Variants in ADD2 observed in about 807,000 individuals in gnomAD.
ADD2 encodes the protein beta-adducin.
ADD2 carries 23 observed loss-of-function variants against 83.0 expected under a neutral mutation model. The ratio of observed to expected loss-of-function variants is 0.28; its 90% CI spans 0.20 to 0.39. The LOEUF (loss-of-function observed/expected upper bound fraction) is 0.39. Ranked by LOEUF, ADD2 falls within the 10% of genes least tolerant of loss-of-function variation. ADD2 has a pLI of 1.00. For synonymous variants in ADD2, 375 were observed against 375.4 expected, an observed-to-expected ratio of 1.00 and a Z score of 0.01; for missense variants, 758 against 944.9, an observed-to-expected ratio of 0.80 and a Z score of 2.59.
chr2:70,736,409 T>TAAA (rs1362743739), intron 1 of ADD2, among the ~76,000 whole-genome samples: 1 of 152,210 alleles, frequency 6.6e-6, no homozygotes, highest in Admixed American at 6.5e-5. Flanking sequence ...TGACAACATT[T>TAAA]AAACTGGTTC....
chr2:70,711,092 T>C (rs553997178), intron 2 of ADD2: 1 of 152,074 alleles, frequency 6.6e-6, no homozygotes, highest in East Asian at 1.9e-4. Flanking sequence ...AACCAGATAA[T>C]GGGAACAGGT....
intron 15 of ADD2, among the ~76,000 whole-genome samples, chr2:70,664,087 G>A (rs554890496): frequency 3.9e-5 from 6 of 152,324 alleles, no homozygotes; most frequent in East Asian, 1.9e-4. Context: ...AGGAGAAGGC[G>A]TGAGGTGTAC....
intron 1 of ADD2, among the ~76,000 whole-genome samples, chr2:70,715,128 T>A (rs1553376128): frequency 6.7e-6 from 1 of 148,188 alleles, no homozygotes. Context: ...GCAATGAAAC[T>A]GTCAAATCTC....
At chr2:70,720,940 C>T (rs1318479755) in intron 1 of ADD2, among the ~76,000 whole-genome samples, 2 of 152,208 alleles carry the variant, frequency 1.3e-5, no homozygotes, top group Non-Finnish European at 2.9e-5. Flanking sequence ...TCAGTGGAAA[C>T]TCCCAGGCTC....
chr2:70,759,429 T>C (rs1410013434), intron 1 of ADD2, among the ~76,000 whole-genome samples: 1 of 152,192 alleles, frequency 6.6e-6, no homozygotes, highest in Non-Finnish European at 1.5e-5. Flanking sequence ...CCTCAGCACA[T>C]GTCTGAGGAA....
intron 1 of ADD2, among the ~76,000 whole-genome samples, chr2:70,761,591 GAA>G (rs78804683): frequency 2.3e-4 from 9 of 39,864 alleles, no homozygotes; most frequent in African/African-American, 4.3e-4. Flanking sequence ...CTGGGTGACA[GAA>G]AAAAAAAAAA....
At chr2:70,664,719 AAGTGTGTGTG>A (rs1171495114) in intron 15 of ADD2, among the ~76,000 whole-genome samples, 3 of 151,212 alleles carry the variant, frequency 2.0e-5, no homozygotes, top group African/African-American at 7.3e-5. Context: ...GAGTGTGTAC[AAGTGTGTGTG>A]AGTGTGCAAG....
chr2:70,768,028 G>T lies in ADD2; in HGVS notation c.-296C>A. ...GTTTTCTGCCCATGCTGCAGCCCGC[G>T]CTCGTCAGAGCTGCTGGGAGATCCC... On this transcript the variant is annotated 5_prime_UTR_variant, in exon 1 of 16. Transcript: ENST00000264436. 1 of 1,479,178 alleles carries T rather than the reference G, an allele frequency of 6.8e-7. No homozygotes were observed. The highest frequency in any genetic ancestry group is 9.0e-7 in the Non-Finnish European group (1 of 1,106,480). The allele number at this position is 1,479,178 out of a possible 1,614,324, so 91.6% of individuals were successfully genotyped here.
At chr2:70,675,553 C>T in intron 13 of ADD2, 1 of 985,462 alleles carries the variant, frequency 1.0e-6, no homozygotes. Flanking sequence ...AAGATAGGAA[C>T]TAAAATTCAG....
In ADD2 at chr2:70,683,738, C is replaced by G; in HGVS notation, c.978G>C (p.Val326=). 6.2e-7 allele frequency: 1 copy of G among 1,614,026 alleles called. No homozygotes were observed. Among genetic ancestry groups the G allele is most frequent in the Non-Finnish European group, 8.5e-7 (1 of 1,179,942 alleles). The change falls in exon 10 of 16, where the codon GTG becomes GTC. Residue 326 remains valine, a synonymous_variant. Transcript: ENST00000264436. ...QVSALSSAGG[V]ENLILLEQEK... ...CCTGCTCCAGGAGGATGAGGTTCTC[C>G]ACTCCCCCGGCACTGGACAGAGCCG...
intron 2 of ADD2, among the ~76,000 whole-genome samples, chr2:70,708,851 G>A (rs560017170): frequency 3.9e-5 from 6 of 152,336 alleles, no homozygotes; most frequent in African/African-American, 1.4e-4. Flanking sequence ...ACCAATCACA[G>A]GTAGCCAACT....
chr2:70,711,132 C>T (rs116272528), intron 2 of ADD2: 2 of 152,268 alleles, frequency 1.3e-5, no homozygotes, highest in Non-Finnish European at 2.9e-5. Flanking sequence ...AAGAAGCTCA[C>T]CAGGATGCTG....
At position 70,657,761 on chromosome 2, in the gene ADD2, ACT is replaced by A. The variant is rs1675411448; in HGVS notation, c.*5662_*5663del. 3.3e-5 allele frequency: 5 copies of A among 152,136 alleles called. No homozygotes were observed. Among genetic ancestry groups the A allele is most frequent in the Middle Eastern group, 6.8e-3 (2 of 294 alleles). The allele number at this position is 152,136 out of a possible 1,614,324, so 9.4% of individuals were successfully genotyped here. On this transcript the variant is annotated 3_prime_UTR_variant, in exon 16 of 16. Coordinates refer to ENST00000264436, the MANE Select transcript of ADD2 (RefSeq NM_001617.4). ...CAGTTATTCTCCCACCACCCCCCAA[ACT>A]CTTACGTTTTCTTTAAACTACCTAG...
chr2:70,692,356 G>A (rs782289324), intron 7 of ADD2, 47 bp downstream of exon 7: 13 of 1,478,140 alleles, frequency 8.8e-6, no homozygotes, highest in South Asian at 2.9e-5. Flanking sequence ...CTACAACCTC[G>A]GCAGCCTTAC....
chr2:70,765,317 C>T (rs538352509), intron 1 of ADD2, among the ~76,000 whole-genome samples: 3 of 152,318 alleles, frequency 2.0e-5, no homozygotes, highest in Admixed American at 1.3e-4. Context: ...CATGCCACTG[C>T]GCTCCAGCCT....
At chr2:70,666,203 A>C (rs1178488443) in intron 15 of ADD2, among the ~76,000 whole-genome samples, 4 of 152,248 alleles carry the variant, frequency 2.6e-5, no homozygotes, top group African/African-American at 9.6e-5. Flanking sequence ...TCACTAGCTC[A>C]CAGAAGGCAC....
chr2:70,695,647 A>T (rs1024916317), intron 6 of ADD2, 74 bp downstream of exon 6: 8 of 1,410,212 alleles, frequency 5.7e-6, no homozygotes, highest in Non-Finnish European at 8.0e-6. Context: ...TTTGGAGATG[A>T]CCTAGCACTG....
chr2:70,700,040 A>C (rs1479582512), intron 4 of ADD2, among the ~76,000 whole-genome samples: 3 of 152,224 alleles, frequency 2.0e-5, no homozygotes, highest in African/African-American at 7.2e-5. Flanking sequence ...ATTTCAAGAC[A>C]TAGAAAGCAA....
intron 14 of ADD2, among the ~76,000 whole-genome samples, chr2:70,674,251 G>A (rs192646824): frequency 9.3e-4 from 142 of 152,254 alleles, no homozygotes; most frequent in Non-Finnish European, 1.5e-3. Context: ...ACAGAGAGAT[G>A]GGCTTCACTC....
Sources: gnomAD v4.1 joint callset for allele counts (sites outside exome capture counted in the v4.1 genomes callset) on GRCh38, gnomAD v4.1.1 for gene constraint, MANE v1.5 for transcripts, NCBI Gene and HGNC (gene_info 2026-07-23, HGNC 2026-07-21) for gene names.